CABIN1: variants seen among roughly 807,000 people sequenced by gnomAD.
CABIN1 encodes the protein calcineurin-binding protein cabin-1.
In CABIN1, 133 loss-of-function variants were observed where a neutral mutation model predicts 227.7. That is an observed-to-expected ratio of 0.58 (90% CI 0.51 to 0.67). CABIN1 has a LOEUF of 0.67. Ranked by LOEUF, CABIN1 falls within the 30% of genes least tolerant of loss-of-function variation. The probability of loss-of-function intolerance (pLI) is 0.00; values close to 1 mark genes in which losing one functional copy is unlikely to be tolerated. For synonymous variants in CABIN1, 1,086 were observed against 1,155.1 expected, an observed-to-expected ratio of 0.94 and a Z score of 1.21; for missense variants, 2,408 against 2,852.5, an observed-to-expected ratio of 0.84 and a Z score of 3.55.
At chr22:24,136,548 T>TAG (rs1602286738) in intron 29 of CABIN1, among the ~76,000 whole-genome samples, 1 of 142,556 alleles carries the variant, frequency 7.0e-6, no homozygotes, top group East Asian at 2.0e-4. Context: ...TTTTTTTTTT[T>TAG]AGAGACAAGG....
Position 24,178,446 on chromosome 22 carries a change from CCAGGCGGCATCCT to C in CABIN1, c.*251_*263del. ...AGGTGGATTGGTCGCCATCTGCACG[CCAGGCGGCATCCT>C]TTTCTATGAAGTGTTGACTTTGTAA... On this transcript the variant is annotated 3_prime_UTR_variant, in exon 37 of 37. Coordinates refer to ENST00000263119, the MANE Select transcript of CABIN1 (RefSeq NM_012295.4). 1.8e-6 allele frequency: 1 copy of C among 542,618 alleles called. No individual in the cohort carries two copies. Among genetic ancestry groups the C allele is most frequent in the Non-Finnish European group, 3.3e-6 (1 of 299,804 alleles). The allele number at this position is 542,618 out of a possible 1,614,324, so 33.6% of individuals were successfully genotyped here.
At chr22:24,042,329 CAA>C (rs2037441309) in intron 5 of CABIN1, among the ~76,000 whole-genome samples, 3 of 152,138 alleles carry the variant, frequency 2.0e-5, no homozygotes, top group Admixed American at 2.0e-4. Context: ...CAAAATATAT[CAA>C]GACAATGGGG....
At chr22:24,071,220 T>C in intron 17 of CABIN1, 178 bp downstream of exon 17, 1 of 801,780 alleles carries the variant, frequency 1.2e-6, no homozygotes. Context: ...CTGCAAACCT[T>C]CCTGGGGCTG....
intron 26 of CABIN1, among the ~76,000 whole-genome samples, chr22:24,103,666 C>G (rs1239173257): frequency 6.6e-6 from 1 of 152,172 alleles, no homozygotes; most frequent in Non-Finnish European, 1.5e-5. Flanking sequence ...GGGCAGGGGA[C>G]AGGGGAGGCT....
chr22:24,091,162 C>T (rs898534807), intron 23 of CABIN1, among the ~76,000 whole-genome samples: 5 of 152,190 alleles, frequency 3.3e-5, no homozygotes, highest in Admixed American at 2.6e-4. Flanking sequence ...TCTTGTACCC[C>T]AGGGGTACAC....
intron 1 of CABIN1, among the ~76,000 whole-genome samples, chr22:24,034,271 G>T (rs914304961): frequency 6.6e-6 from 1 of 152,184 alleles, no homozygotes; most frequent in African/African-American, 2.4e-5. Flanking sequence ...TGGCCTGGGG[G>T]CTGGGGACCC....
intron 28 of CABIN1, among the ~76,000 whole-genome samples, chr22:24,130,251 G>T (rs1321880453): frequency 6.6e-6 from 1 of 152,204 alleles, no homozygotes; most frequent in Non-Finnish European, 1.5e-5. Flanking sequence ...CTGAGAGAGG[G>T]CTGGCCATGA....
chr22:24,107,331 A>G (rs544385064), intron 26 of CABIN1, among the ~76,000 whole-genome samples: 1 of 152,300 alleles, frequency 6.6e-6, no homozygotes, highest in South Asian at 2.1e-4. Flanking sequence ...AATGCCCCCC[A>G]GGGCCAGTAC....
chr22:24,063,226 G>T, intron 14 of CABIN1, 80 bp downstream of exon 14: 7 of 1,421,804 alleles, frequency 4.9e-6, no homozygotes, highest in Non-Finnish European at 6.9e-6. Flanking sequence ...TGTTGAGGGT[G>T]TGTGTGTGTA....
At chr22:24,098,285 G>A (rs1311391960) in intron 26 of CABIN1, 93 bp downstream of exon 26, 13 of 1,528,752 alleles carry the variant, frequency 8.5e-6, no homozygotes, top group African/African-American at 1.4e-5. Flanking sequence ...TCGTTTTGGT[G>A]AGGGGGGGTG....
intron 32 of CABIN1, 89 bp downstream of exon 32, chr22:24,167,402 C>G: frequency 2.2e-6 from 3 of 1,333,614 alleles, no homozygotes; most frequent in Non-Finnish European, 3.1e-6. Context: ...TCTCCCAGGC[C>G]TGCCCTTGGG....
chr22:24,168,180 G>C (rs1055747019), intron 32 of CABIN1, among the ~76,000 whole-genome samples: 1 of 152,232 alleles, frequency 6.6e-6, no homozygotes, highest in Non-Finnish European at 1.5e-5. Context: ...CCAGTACCTG[G>C]TGGTGTGGCA....
At chr22:24,092,052 C>T (rs2041582699) in intron 24 of CABIN1, 1 of 640,670 alleles carries the variant, frequency 1.6e-6, no homozygotes, top group Non-Finnish European at 2.7e-6. Context: ...GGAGAGTGAC[C>T]ATTTTGTTCT....
chr22:24,071,574 C>T (rs922445894), intron 17 of CABIN1, among the ~76,000 whole-genome samples: 4 of 152,108 alleles, frequency 2.6e-5, no homozygotes, highest in Non-Finnish European at 5.9e-5. Context: ...TTTGTTTCTC[C>T]CTCTGTCTTC....
At chr22:24,079,517 G>T (rs1258462147) in intron 19 of CABIN1, among the ~76,000 whole-genome samples, 3 of 152,110 alleles carry the variant, frequency 2.0e-5, no homozygotes, top group African/African-American at 7.2e-5. Context: ...TTATACTTTT[G>T]ATAGCTGTGT....
Position 24,164,512 on chromosome 22 carries a change from G to A in CABIN1, c.4859G>A (p.Ser1620Asn), listed in dbSNP as rs1165707127. The A allele has an allele frequency of 1.2e-6, 2 of 1,605,962 alleles. No homozygotes were observed. Among genetic ancestry groups the A allele is most frequent in the African/African-American group, 1.3e-5 (1 of 74,898 alleles). ...LKVLAQLRDH[S>N]TLLKVSSMLQ... ...GTGCTGGCCCAGCTGCGGGACCACA[G>A]CACCCTGCTGAAGGTGTCCTCCATG... The change falls in exon 30 of 37, where the codon AGC (serine) becomes AAC (asparagine). Residue 1620 changes from serine (S) to asparagine (N), a missense_variant. Physicochemically the swap from Ser to Asn is conservative, Grantham distance 46. This residue lies in a region of CABIN1 where 649 missense variants were observed against 910.3 expected (regional missense o/e 0.71). Coordinates refer to ENST00000263119, the MANE Select transcript of CABIN1 (RefSeq NM_012295.4).
At chr22:24,072,045 A>G (rs958919032) in intron 17 of CABIN1, among the ~76,000 whole-genome samples, 2 of 151,966 alleles carry the variant, frequency 1.3e-5, no homozygotes, top group Non-Finnish European at 2.9e-5. Flanking sequence ...TAGCTTGTCC[A>G]TGGCTCTCTT....
chr22:24,016,808 G>A (rs1026184685), intron 1 of CABIN1, among the ~76,000 whole-genome samples: 2 of 152,144 alleles, frequency 1.3e-5, no homozygotes, highest in Non-Finnish European at 2.9e-5. Context: ...AGTGTGTGCT[G>A]TCATGCTTTA....
intron 19 of CABIN1, 108 bp from the exon 20 acceptor site, chr22:24,083,120 C>T: frequency 8.8e-7 from 1 of 1,136,054 alleles, no homozygotes; most frequent in African/African-American, 1.5e-5. Flanking sequence ...ACATAGCCAC[C>T]TCAGGTTAAA....
Sources: gnomAD v4.1 joint callset for allele counts (sites outside exome capture counted in the v4.1 genomes callset) on GRCh38, gnomAD v4.1.1 for gene constraint, gnomAD v4.1.1 regional missense constraint, MANE v1.5 for transcripts, NCBI Gene and HGNC (gene_info 2026-07-23, HGNC 2026-07-21) for gene names.